GRM8: variants seen among roughly 807,000 people sequenced by gnomAD.
The protein encoded by GRM8 is metabotropic glutamate receptor 8.
Under a neutral mutation model 87.2 loss-of-function variants are expected in GRM8, and 47 were observed. The ratio of observed to expected loss-of-function variants is 0.54; its 90% confidence interval spans 0.43 to 0.69. The LOEUF (loss-of-function observed/expected upper bound fraction) is 0.69. Ranked by LOEUF, GRM8 falls within the 30% of genes least tolerant of loss-of-function variation. The pLI is 0.00. For missense variants in GRM8, 1,019 were observed against 1,139.2 expected, an observed-to-expected ratio of 0.89 and a Z score of 1.52; for synonymous variants, 396 against 404.5, an observed-to-expected ratio of 0.98 and a Z score of 0.25.
intron 6 of GRM8, among the ~76,000 whole-genome samples, chr7:126,830,490 C>G (rs1198943199): frequency 6.6e-6 from 1 of 152,218 alleles, no homozygotes; most frequent in Non-Finnish European, 1.5e-5. Flanking sequence ...TCCAGTTGAT[C>G]TCATCGGCTC....
intron 3 of GRM8, among the ~76,000 whole-genome samples, chr7:127,039,582 AG>A (rs1488281397): frequency 7.1e-6 from 1 of 141,594 alleles, no homozygotes. Flanking sequence ...GAAAACTGTG[AG>A]TCCACAATGC....
At chr7:126,476,322 T>C (rs1309739086) in intron 9 of GRM8, among the ~76,000 whole-genome samples, 1 of 152,042 alleles carries the variant, frequency 6.6e-6, no homozygotes, top group African/African-American at 2.4e-5. Context: ...GAGGCTGAGG[T>C]AGGCGGGTTA....
Position 127,017,548 on chromosome 7 carries a change from G to C in GRM8, c.727+88948C>G, listed in dbSNP as rs17862262. On this transcript the variant is annotated intron_variant, in intron 3 of 10. Coordinates refer to ENST00000339582, the MANE Select transcript of GRM8 (RefSeq NM_000845.3). Reference sequence around the variant, plus strand: ...CCAAGTTTTCAAGCTTAAGTAGCTAGAAGAAGGTGTCATCATTTTCAAAGA... The same window carrying C: ...CCAAGTTTTCAAGCTTAAGTAGCTACAAGAAGGTGTCATCATTTTCAAAGA... Among the ~76,000 whole-genome samples the C allele has an allele frequency of 8.8e-3, 1,337 of 152,228 alleles. 11 individuals carry two copies. Among genetic ancestry groups the C allele is most frequent in the Non-Finnish European group, 0.015 (1,011 of 67,988 alleles).
intron 6 of GRM8, among the ~76,000 whole-genome samples, chr7:126,771,035 TCTC>T (rs1304398991): frequency 6.6e-6 from 1 of 151,932 alleles, no homozygotes; most frequent in East Asian, 1.9e-4. Context: ...CAAAAAATGA[TCTC>T]CTGTCACTTC....
At chr7:126,758,041 G>A (rs536582201) in intron 7 of GRM8, among the ~76,000 whole-genome samples, 1 of 152,174 alleles carries the variant, frequency 6.6e-6, no homozygotes, top group South Asian at 2.1e-4. Context: ...GAAGAAATAA[G>A]AAATTAAATT....
At position 127,183,900 on chromosome 7, in the gene GRM8, C is replaced by T. The variant is rs539101052; in HGVS notation, c.510+58795G>A. Among the ~76,000 whole-genome samples, 4 of 151,868 alleles carry T rather than the reference C, an allele frequency of 2.6e-5. No individual in the cohort carries two copies. The South Asian group carries it at 8.3e-4, about 31-fold the overall frequency. ...GATAATAAAGAAATAGTACAAACAA[C>T]TCTCTGCCCACAAATTAGATAAAGT... On this transcript the variant is annotated intron_variant, in intron 2 of 10. Coordinates refer to ENST00000339582, the MANE Select transcript of GRM8 (RefSeq NM_000845.3).
chr7:126,634,482 A>T (rs746637454), intron 7 of GRM8, among the ~76,000 whole-genome samples: 4 of 152,102 alleles, frequency 2.6e-5, no homozygotes, highest in Admixed American at 6.6e-5. Flanking sequence ...TTGCATTTCA[A>T]AACTTAGCTC....
At position 126,838,551 on chromosome 7, in the gene GRM8, C is replaced by T. The variant is rs1161309366; in HGVS notation, c.1156+63991G>A. Among the ~76,000 whole-genome samples, 4 of 152,198 alleles carry T rather than the reference C, an allele frequency of 2.6e-5. No homozygotes were observed. In the East Asian group the frequency reaches 5.8e-4, roughly 22 times the overall value. ...TGTTTTATTTCAAGTTCTTGAAGGCCCCTAGAGGTAAAGGTGAGGTGAAAA... is the reference window on the plus strand; with the variant it reads ...TGTTTTATTTCAAGTTCTTGAAGGCTCCTAGAGGTAAAGGTGAGGTGAAAA... On this transcript the variant is annotated intron_variant, in intron 6 of 10. Transcript: ENST00000339582.
At chr7:126,936,460 C>T (rs1324890721) in intron 3 of GRM8, among the ~76,000 whole-genome samples, 1 of 152,116 alleles carries the variant, frequency 6.6e-6, no homozygotes, top group East Asian at 1.9e-4. Flanking sequence ...CCACTATCCG[C>T]TGTTCACTCT....
chr7:126,597,284 GCTTTTATA>G (rs1797302104), intron 8 of GRM8, among the ~76,000 whole-genome samples: 2 of 151,896 alleles, frequency 1.3e-5, no homozygotes, highest in African/African-American at 2.4e-5. Flanking sequence ...CTTTTGTCTT[GCTTTTATA>G]AATCACTGGC....
At chr7:126,668,170 C>T (rs1805990441) in intron 7 of GRM8, among the ~76,000 whole-genome samples, 1 of 152,080 alleles carries the variant, frequency 6.6e-6, no homozygotes, top group Non-Finnish European at 1.5e-5. Context: ...GGATTCTGGG[C>T]TTGTGAGAGT....
chr7:126,445,364 T>C (rs905245938), intron 10 of GRM8: 3 of 152,080 alleles, frequency 2.0e-5, no homozygotes, highest in African/African-American at 4.8e-5. Context: ...CTTTCATAGA[T>C]ACCAAGATGG....
chr7:127,057,408 G>T (rs6467107), intron 3 of GRM8, among the ~76,000 whole-genome samples: 12,138 of 151,902 alleles, frequency 0.08, 526 homozygotes, highest in South Asian at 0.13. Flanking sequence ...AACAACATTT[G>T]TTCCAAACAA....
intron 7 of GRM8, among the ~76,000 whole-genome samples, chr7:126,649,706 T>C (rs530147311): frequency 6.6e-6 from 1 of 152,244 alleles, no homozygotes; most frequent in East Asian, 1.9e-4. Context: ...CTAATGGGCC[T>C]ATTTGATTTG....
At chr7:126,864,136 G>T (rs1798393815) in intron 6 of GRM8, among the ~76,000 whole-genome samples, 1 of 145,886 alleles carries the variant, frequency 6.9e-6, no homozygotes. Context: ...CTCCCAAAGT[G>T]TTGGGATTAC....
intron 7 of GRM8, among the ~76,000 whole-genome samples, chr7:126,629,399 T>G (rs549829399): frequency 1.1e-4 from 16 of 152,204 alleles, no homozygotes; most frequent in Non-Finnish European, 1.6e-4. Flanking sequence ...TCTTCCCAGT[T>G]GAGTCATTAT....
chr7:127,052,816 T>G (rs1819622844), intron 3 of GRM8, among the ~76,000 whole-genome samples: 1 of 152,206 alleles, frequency 6.6e-6, no homozygotes. Flanking sequence ...TCCCTCAAGT[T>G]ACGACTTACA....
intron 8 of GRM8, among the ~76,000 whole-genome samples, chr7:126,543,705 G>A (rs1816802944): frequency 6.6e-6 from 1 of 152,156 alleles, no homozygotes; most frequent in Non-Finnish European, 1.5e-5. Context: ...CAAGGCAATT[G>A]AGGTCATGAA....
At chr7:126,619,097 C>T (rs1799832934) in intron 7 of GRM8, among the ~76,000 whole-genome samples, 1 of 152,148 alleles carries the variant, frequency 6.6e-6, no homozygotes, top group Non-Finnish European at 1.5e-5. Context: ...CGGCACTATT[C>T]ACAGTAGCAA....
Sources: gnomAD v4.1 joint callset for allele counts (sites outside exome capture counted in the v4.1 genomes callset) on GRCh38, gnomAD v4.1.1 for gene constraint, MANE v1.5 for transcripts, NCBI Gene and HGNC (gene_info 2026-07-23, HGNC 2026-07-21) for gene names.